Variants in TMEM128 observed in about 807,000 individuals in gnomAD.
TMEM128 encodes transmembrane protein 128.
TMEM128 carries 16 observed loss-of-function variants against 19.7 expected under a neutral mutation model. The observed-to-expected ratio is 0.81, with a 90% CI of 0.55 to 1.23. The LOEUF is 1.23. TMEM128 is among the 50% of genes most tolerant of loss of function. The probability of loss-of-function intolerance (pLI) is 0.00; values close to 1 mark genes in which losing one functional copy is unlikely to be tolerated. For missense variants in TMEM128, 237 were observed against 200.8 expected, an observed-to-expected ratio of 1.18 and a Z score of -1.09; for synonymous variants, 98 against 75.8, an observed-to-expected ratio of 1.29 and a Z score of -1.52.
intron 1 of TMEM128, 173 bp downstream of exon 1, chr4:4,247,933 C>A (rs1465243786): frequency 1.4e-6 from 2 of 1,430,258 alleles, no homozygotes; most frequent in African/African-American, 2.9e-5. Context: ...TGAAGCGCAG[C>A]TGAAATGACG....
At chr4:4,244,480 A>C (rs757063376) in intron 2 of TMEM128, among the ~76,000 whole-genome samples, 1 of 152,176 alleles carries the variant, frequency 6.6e-6, no homozygotes, top group Non-Finnish European at 1.5e-5. Flanking sequence ...CCCTGTCTCA[A>C]AATAAAAATA....
intron 2 of TMEM128, among the ~76,000 whole-genome samples, chr4:4,243,210 G>C (rs991376580): frequency 3.3e-5 from 5 of 152,088 alleles, no homozygotes; most frequent in Non-Finnish European, 4.4e-5. Flanking sequence ...CTCCCAAGTA[G>C]CTGGGACTAC....
chr4:4,241,331 C>A (rs1053751255), intron 2 of TMEM128, among the ~76,000 whole-genome samples: 23 of 152,148 alleles, frequency 1.5e-4, no homozygotes, highest in African/African-American at 4.3e-4. Context: ...ACCACCTCAC[C>A]CTCAATGCCA....
At chr4:4,247,840 T>A in intron 1 of TMEM128, 1 of 1,432,584 alleles carries the variant, frequency 7.0e-7, no homozygotes, top group Non-Finnish European at 9.1e-7. Flanking sequence ...TTCTGGTAAA[T>A]CCTTAAGACT....
intron 1 of TMEM128, 144 bp from the exon 2 acceptor site, chr4:4,246,487 G>A: frequency 6.5e-6 from 5 of 766,002 alleles, no homozygotes; most frequent in East Asian, 2.8e-5. Context: ...CCTTGAGATA[G>A]GTTTATATTT....
chr4:4,240,306 T>A lies in TMEM128; in HGVS notation c.398+15A>T. 6.2e-7 allele frequency: 1 copy of A among 1,612,902 alleles called. No homozygotes were observed. The highest frequency in any genetic ancestry group is 8.5e-7 in the Non-Finnish European group (1 of 1,179,360). On this transcript the variant is annotated intron_variant, in intron 3 of 4. Coordinates refer to ENST00000382753, the MANE Select transcript of TMEM128 (RefSeq NM_001297551.2). The stretch of plus-strand genomic sequence containing the variant: ...TTGTTGTTCATTCCTGTTAGTCATT[T>A]CAAAGTTAACTTACCAAATTCCTGC...
intron 1 of TMEM128, chr4:4,247,552 A>G: frequency 6.2e-7 from 1 of 1,613,742 alleles, no homozygotes. Context: ...TTTCTACTGA[A>G]TTCTTCCATA....
intron 3 of TMEM128, among the ~76,000 whole-genome samples, chr4:4,238,632 T>A (rs538728867): frequency 1.3e-5 from 2 of 152,258 alleles, no homozygotes; most frequent in African/African-American, 4.8e-5. Flanking sequence ...TGCCCCCACA[T>A]ACAGGTTAAC....
intron 2 of TMEM128, among the ~76,000 whole-genome samples, chr4:4,242,244 T>C (rs765167517): frequency 3.9e-5 from 6 of 152,064 alleles, no homozygotes; most frequent in Non-Finnish European, 8.8e-5. Flanking sequence ...AAAATGTCCA[T>C]GTTCATCTTT....
At chr4:4,239,280 G>A (rs1475411639) in intron 3 of TMEM128, among the ~76,000 whole-genome samples, 1 of 152,056 alleles carries the variant, frequency 6.6e-6, no homozygotes, top group Non-Finnish European at 1.5e-5. Flanking sequence ...GGCATTGTTT[G>A]GGTATAAATA....
intron 2 of TMEM128, 144 bp downstream of exon 2, chr4:4,246,058 A>C (rs1378143695): frequency 1.3e-6 from 1 of 767,054 alleles, no homozygotes; most frequent in East Asian, 2.8e-5. Context: ...CCCCCATCTC[A>C]TATTCATCTT....
At chr4:4,240,293 C>T (rs777570065) in intron 3 of TMEM128, 28 bp downstream of exon 3, 9 of 1,608,312 alleles carry the variant, frequency 5.6e-6, no homozygotes, top group Non-Finnish European at 6.8e-6. Flanking sequence ...GTTGTTCATT[C>T]CTGTTAGTCA....
intron 2 of TMEM128, among the ~76,000 whole-genome samples, chr4:4,242,651 T>A (rs1438593716): frequency 6.6e-6 from 1 of 151,958 alleles, no homozygotes; most frequent in South Asian, 2.1e-4. Flanking sequence ...CCTGAGCAGC[T>A]GATATTACAG....
chr4:4,237,168 A>C lies in TMEM128; in HGVS notation c.*9+659T>G, dbSNP rs1015042172. ...TTTATGAGGAAGTCAGAATAATTAG[A>C]AGATGGCAGAATTTTTTTTCCCAAT... On this transcript the variant is annotated intron_variant, in intron 4 of 4. Transcript: ENST00000382753. 3 of 422,668 alleles carry C rather than the reference A, an allele frequency of 7.1e-6. No homozygotes were observed. In the East Asian group the frequency reaches 2.2e-4, roughly 31 times the overall value. 26.2% of individuals were successfully genotyped at this position (422,668 alleles called of 1,614,324 possible). A position where few individuals can be genotyped will look rare whatever the true frequency, so the allele number is the denominator to read the frequency against.
At chr4:4,239,257 G>A (rs111622414) in intron 3 of TMEM128, among the ~76,000 whole-genome samples, 4 of 152,076 alleles carry the variant, frequency 2.6e-5, no homozygotes, top group African/African-American at 7.2e-5. Flanking sequence ...TTATGAAGAA[G>A]GTTATTCATT....
intron 3 of TMEM128, among the ~76,000 whole-genome samples, chr4:4,239,730 A>T (rs1717869980): frequency 6.6e-6 from 1 of 152,246 alleles, no homozygotes; most frequent in East Asian, 1.9e-4. Flanking sequence ...AATGAAGATG[A>T]GTCACTGTTC....
At chr4:4,238,507 AGTTT>A in intron 3 of TMEM128, among the ~76,000 whole-genome samples, 1 of 152,248 alleles carries the variant, frequency 6.6e-6, no homozygotes, top group East Asian at 1.9e-4. Context: ...AATATATAAT[AGTTT>A]GATAAGTATG....
chr4:4,237,982 A>G lies in TMEM128; in HGVS notation c.399-47T>C, dbSNP rs763227828. ...CAGTTGACAACTCCAATATGCATCAATATATTTTATTCTAGAATCCAGATT... is the reference window on the plus strand; with the variant it reads ...CAGTTGACAACTCCAATATGCATCAGTATATTTTATTCTAGAATCCAGATT... On this transcript the variant is annotated intron_variant, in intron 3 of 4. Transcript: ENST00000382753. 8 of 1,186,310 alleles carry G rather than the reference A, an allele frequency of 6.7e-6. No homozygotes were observed. In the African/African-American group the frequency reaches 9.4e-5, roughly 14 times the overall value. The allele number at this position is 1,186,310 out of a possible 1,614,324, so 73.5% of individuals were successfully genotyped here.
chr4:4,246,431 A>T, intron 1 of TMEM128, 88 bp from the exon 2 acceptor site: 1 of 1,354,398 alleles, frequency 7.4e-7, no homozygotes, highest in Non-Finnish European at 1.0e-6. Flanking sequence ...CATTTCCTAG[A>T]GCTAAGAAAC....
Sources: allele counts gnomAD v4.1 joint callset (sites outside exome capture counted in the v4.1 genomes callset), GRCh38; gene constraint gnomAD v4.1.1; transcripts MANE v1.5; gene names NCBI Gene and HGNC (gene_info 2026-07-23, HGNC 2026-07-21).